COL5A2: variants seen among roughly 807,000 people sequenced by gnomAD.
COL5A2 encodes the protein collagen alpha-2(V) chain.
COL5A2 carries 23 observed loss-of-function variants against 208.2 expected under a neutral mutation model. The observed-to-expected ratio is 0.11, with a 90% CI of 0.08 to 0.16. The LOEUF is 0.16. Among genes scored for constraint, COL5A2 ranks in the 10% least tolerant of loss-of-function variants. The pLI is 1.00. For synonymous variants in COL5A2, 625 were observed against 628.5 expected (o/e 0.99, Z 0.08); for missense variants, 1,590 against 1,956.4 (o/e 0.81, Z 3.53).
chr2:189,362,766 G>A, the COL5A2 span, among the ~76,000 whole-genome samples: 1 of 152,030 alleles, frequency 6.6e-6, no homozygotes, highest in East Asian at 1.9e-4. Context: ...ACAAATGAAA[G>A]AGTAGAACAG....
chr2:189,198,851 A>C (rs1206873800), intron 1 of COL5A2, among the ~76,000 whole-genome samples: 1 of 152,182 alleles, frequency 6.6e-6, no homozygotes. Context: ...TTTTCTCAGC[A>C]ACAGTCACTT....
intron 1 of COL5A2, among the ~76,000 whole-genome samples, chr2:189,198,304 T>C (rs1409902562): frequency 6.6e-6 from 1 of 152,206 alleles, no homozygotes; most frequent in Non-Finnish European, 1.5e-5. Flanking sequence ...GTACAGAACC[T>C]AATCTGGCAA....
the COL5A2 span, among the ~76,000 whole-genome samples, chr2:189,423,011 G>A: frequency 3.2e-5 from 4 of 125,138 alleles, no homozygotes; most frequent in South Asian, 2.8e-4. Flanking sequence ...CAACAAGAGC[G>A]AAACTCTGTC....
chr2:189,346,853 T>C, the COL5A2 span, among the ~76,000 whole-genome samples: 6 of 152,180 alleles, frequency 3.9e-5, no homozygotes, highest in African/African-American at 1.4e-4. Flanking sequence ...GGTTGGCTGC[T>C]GCTGGCTCTC....
At chr2:189,337,175 A>ATTTTTTTTTTTTTTTTTTTTTTT in the COL5A2 span, among the ~76,000 whole-genome samples, 1 of 141,920 alleles carries the variant, frequency 7.0e-6, no homozygotes, top group Non-Finnish European at 1.5e-5. Context: ...TTTTGACATC[A>ATTTTTTTTTTTTTTTTTTTTTTT]TTTTTTTTTT....
chr2:189,187,777 G>A (rs1205242954), intron 1 of COL5A2, among the ~76,000 whole-genome samples: 24 of 152,022 alleles, frequency 1.6e-4, no homozygotes, highest in Admixed American at 1.6e-3. Context: ...AGACCATCCT[G>A]GCGAACATGG....
the COL5A2 span, among the ~76,000 whole-genome samples, chr2:189,290,186 G>T: frequency 6.6e-6 from 1 of 152,152 alleles, no homozygotes; most frequent in African/African-American, 2.4e-5. Context: ...TGCACTTATA[G>T]TCAATTGATT....
intron 16 of COL5A2, among the ~76,000 whole-genome samples, chr2:189,076,459 A>G (rs1187435047): frequency 5.9e-5 from 9 of 152,194 alleles, no homozygotes; most frequent in Admixed American, 5.9e-4. Context: ...CGGGCATTTG[A>G]GAAGAATTAA....
intron 1 of COL5A2, among the ~76,000 whole-genome samples, chr2:189,165,896 C>T (rs187024776): frequency 1.9e-4 from 29 of 152,184 alleles, no homozygotes; most frequent in South Asian, 1.0e-3. Flanking sequence ...GCCTAGTTGA[C>T]GGAATATGTG....
chr2:189,436,644 T>C, the COL5A2 span, among the ~76,000 whole-genome samples: 1 of 152,066 alleles, frequency 6.6e-6, no homozygotes, highest in South Asian at 2.1e-4. Flanking sequence ...ATATGGTACA[T>C]ATACACTATG....
the COL5A2 span, among the ~76,000 whole-genome samples, chr2:189,385,629 A>T: frequency 1.3e-5 from 2 of 152,108 alleles, no homozygotes; most frequent in Non-Finnish European, 2.9e-5. Context: ...AACATCCAAA[A>T]ATTCATACAG....
intron 1 of COL5A2, among the ~76,000 whole-genome samples, chr2:189,166,253 G>T (rs542419732): frequency 4.0e-4 from 61 of 152,114 alleles, no homozygotes; most frequent in African/African-American, 1.4e-3. Flanking sequence ...TCCACATCCT[G>T]CAGTCTCCAT....
intron 1 of COL5A2, among the ~76,000 whole-genome samples, chr2:189,159,311 A>G (rs1688314141): frequency 6.6e-6 from 1 of 152,168 alleles, no homozygotes; most frequent in Non-Finnish European, 1.5e-5. Context: ...TGTATCTCTC[A>G]TATTAGGTAT....
chr2:189,245,230 T>C, the COL5A2 span, among the ~76,000 whole-genome samples: 1 of 152,110 alleles, frequency 6.6e-6, no homozygotes, highest in African/African-American at 2.4e-5. Context: ...TTCACGCTTT[T>C]TTTTCTATTT....
chr2:189,065,141 T>C, intron 23 of COL5A2, 84 bp from the exon 24 acceptor site: 2 of 1,289,196 alleles, frequency 1.6e-6, no homozygotes, highest in African/African-American at 2.9e-5. Context: ...TTTTTAGCAC[T>C]ATAAAGTTTT....
chr2:189,250,455 T>C, the COL5A2 span, among the ~76,000 whole-genome samples: 3 of 152,132 alleles, frequency 2.0e-5, no homozygotes, highest in African/African-American at 7.2e-5. Flanking sequence ...ACTTGGCCAA[T>C]TGTCCCAAAT....
chr2:189,376,072 GA>G, the COL5A2 span, among the ~76,000 whole-genome samples: 1 of 152,102 alleles, frequency 6.6e-6, no homozygotes, highest in East Asian at 1.9e-4. Context: ...GTGGCCTCAG[GA>G]AAATATGACA....
chr2:189,136,782 A>C (rs981924396), intron 1 of COL5A2, among the ~76,000 whole-genome samples: 1 of 152,200 alleles, frequency 6.6e-6, no homozygotes, highest in Middle Eastern at 3.4e-3. Flanking sequence ...TTATTCAAGT[A>C]ATCACACTGC....
chr2:189,125,302 A>G (rs1320004705), intron 1 of COL5A2, among the ~76,000 whole-genome samples: 1 of 152,208 alleles, frequency 6.6e-6, no homozygotes, highest in Non-Finnish European at 1.5e-5. Context: ...ATTTAGAGGC[A>G]TTATTTTATG....
Sources: allele counts gnomAD v4.1 joint callset (sites outside exome capture counted in the v4.1 genomes callset), GRCh38; gene constraint gnomAD v4.1.1; transcripts MANE v1.5; gene names NCBI Gene and HGNC (gene_info 2026-07-23, HGNC 2026-07-21).